The following SORCS2 variants were observed in gnomAD, a reference collection of about 807,000 sequenced individuals.
SORCS2 encodes the protein VPS10 domain-containing receptor SorCS2.
Under a neutral mutation model 141.6 loss-of-function variants are expected in SORCS2, and 100 were observed. The ratio of observed to expected loss-of-function variants is 0.71; its 90% CI spans 0.60 to 0.83. The LOEUF (loss-of-function observed/expected upper bound fraction) is 0.83, where lower values mean the gene tolerates loss of function less well. Ranked by LOEUF, SORCS2 falls within the 40% of genes least tolerant of loss-of-function variation. The pLI is 0.00. For synonymous variants in SORCS2, 789 were observed against 676.9 expected, an observed-to-expected ratio of 1.17 and a Z score of -2.57; for missense variants, 1,646 against 1,560.2, an observed-to-expected ratio of 1.05 and a Z score of -0.93.
In SORCS2 at chr4:7,305,233, G is replaced by A. The variant is rs557536737; in HGVS notation, c.481-91055G>A. Among the ~76,000 whole-genome samples, 15 of 152,194 alleles carry A rather than the reference G, an allele frequency of 9.9e-5. No homozygotes were observed. In the South Asian group the frequency reaches 1.5e-3, roughly 15 times the overall value. On this transcript the variant is annotated intron_variant, in intron 1 of 26. Coordinates refer to ENST00000507866, the MANE Select transcript of SORCS2 (RefSeq NM_020777.3). ...TTTTTAGTAGAGATGGGGTTTCACC[G>A]TGTTAGCCAGGATGGTCTCGATCTG...
chr4:7,514,143 G>A (rs904425982), intron 2 of SORCS2, among the ~76,000 whole-genome samples: 4 of 152,152 alleles, frequency 2.6e-5, no homozygotes, highest in African/African-American at 4.8e-5. Flanking sequence ...AGCTGGAGCC[G>A]ACAGCTCCAT....
chr4:7,259,160 G>T (rs749011391), intron 1 of SORCS2, among the ~76,000 whole-genome samples: 1 of 152,138 alleles, frequency 6.6e-6, no homozygotes, highest in Non-Finnish European at 1.5e-5. Context: ...TTTGGCTTTT[G>T]TTGCCACCGT....
chr4:7,543,939 CCCATCCAT>C (rs1266557291), intron 3 of SORCS2, among the ~76,000 whole-genome samples: 2 of 16,884 alleles, frequency 1.2e-4, no homozygotes, highest in African/African-American at 3.7e-4. Context: ...CACCCATCCA[CCCATCCAT>C]CCATCCATCC....
intron 23 of SORCS2, among the ~76,000 whole-genome samples, chr4:7,732,102 A>G (rs992776935): frequency 6.6e-6 from 1 of 152,210 alleles, no homozygotes; most frequent in African/African-American, 2.4e-5. Context: ...CATAGCCAGA[A>G]AACAGGTGAC....
intron 9 of SORCS2, among the ~76,000 whole-genome samples, chr4:7,680,170 G>A (rs931874359): frequency 6.6e-6 from 1 of 152,214 alleles, no homozygotes; most frequent in South Asian, 2.1e-4. Context: ...CACAGCAAAC[G>A]ATGTGCAGCC....
chr4:7,197,664 G>A (rs1166667082), intron 1 of SORCS2, among the ~76,000 whole-genome samples: 2 of 152,200 alleles, frequency 1.3e-5, no homozygotes, highest in East Asian at 3.8e-4. Flanking sequence ...TATATAAAGT[G>A]AGAGTGAATG....
At chr4:7,217,203 C>T (rs1236248663) in intron 1 of SORCS2, among the ~76,000 whole-genome samples, 1 of 152,198 alleles carries the variant, frequency 6.6e-6, no homozygotes, top group Non-Finnish European at 1.5e-5. Flanking sequence ...GTTCCTCCGC[C>T]CGGCCTGGAA....
intron 2 of SORCS2, among the ~76,000 whole-genome samples, chr4:7,457,795 T>C (rs1729014854): frequency 6.6e-6 from 1 of 152,240 alleles, no homozygotes; most frequent in Admixed American, 6.5e-5. Flanking sequence ...CTCTGCTTCA[T>C]GGCCTCTGGG....
intron 3 of SORCS2, among the ~76,000 whole-genome samples, chr4:7,547,554 A>G (rs10937836): frequency 0.84 from 127,722 of 152,268 alleles, 53,681 homozygotes; most frequent in South Asian, 0.9. Context: ...GCCTTGGCCC[A>G]TGCTCCGACA....
chr4:7,205,918 C>A (rs1258283408), intron 1 of SORCS2, among the ~76,000 whole-genome samples: 1 of 152,102 alleles, frequency 6.6e-6, no homozygotes, highest in Non-Finnish European at 1.5e-5. Flanking sequence ...TGGTGGCAGA[C>A]GCCTATAATC....
chr4:7,693,558 G>T (rs1169377950), intron 11 of SORCS2, among the ~76,000 whole-genome samples: 4 of 152,224 alleles, frequency 2.6e-5, no homozygotes, highest in African/African-American at 9.6e-5. Context: ...CCTGGTCACT[G>T]GTCTGTGTCC....
At chr4:7,649,174 G>A (rs897726007) in intron 4 of SORCS2, among the ~76,000 whole-genome samples, 2 of 152,156 alleles carry the variant, frequency 1.3e-5, no homozygotes, top group Non-Finnish European at 2.9e-5. Flanking sequence ...AGTGAGTCTT[G>A]AACACCGGCT....
In SORCS2 at chr4:7,646,644, C is replaced by CA. The variant is rs1195458461; in HGVS notation, c.814-7482dup. Among the ~76,000 whole-genome samples the CA allele has an allele frequency of 6.8e-4, 103 of 151,804 alleles. No homozygotes were observed. In the Middle Eastern group the frequency reaches 0.014, roughly 20 times the overall value. On this transcript the variant is annotated intron_variant, in intron 4 of 26. Coordinates refer to ENST00000507866, the MANE Select transcript of SORCS2 (RefSeq NM_020777.3). ...GACTCTGTTTCAAAAAATCAAACTA[C>CA]AAAAAAAAGACAGGCACAGAGGGAA...
chr4:7,243,615 G>C (rs192689439), intron 1 of SORCS2, among the ~76,000 whole-genome samples: 8 of 152,354 alleles, frequency 5.3e-5, no homozygotes, highest in Non-Finnish European at 7.3e-5. Context: ...GGAACTGGCT[G>C]CACAGGCTCC....
At chr4:7,377,026 T>C (rs866168229) in intron 1 of SORCS2, among the ~76,000 whole-genome samples, 1 of 152,302 alleles carries the variant, frequency 6.6e-6, no homozygotes, top group African/African-American at 2.4e-5. Flanking sequence ...GCAAAGAGTT[T>C]ATAGTCTCAT....
intron 1 of SORCS2, among the ~76,000 whole-genome samples, chr4:7,301,130 T>G (rs1005707882): frequency 6.6e-6 from 1 of 152,180 alleles, no homozygotes; most frequent in African/African-American, 2.4e-5. Flanking sequence ...CTGTCCCTGC[T>G]TAGGCCTTTC....
At chr4:7,639,434 T>A (rs2108865965) in intron 4 of SORCS2, among the ~76,000 whole-genome samples, 1 of 151,670 alleles carries the variant, frequency 6.6e-6, no homozygotes, top group Non-Finnish European at 1.5e-5. Flanking sequence ...GTATGCACAC[T>A]TGTAAGTGTG....
rs867825955 is a variant in SORCS2 at position 7,665,362 on chromosome 4, T to G, written c.1071+891T>G. ...CCAGACAGGAGGCTGCTGCTGCCAC[T>G]GATCCTAACCTCCAGCCCTGCCCAG... On this transcript the variant is annotated intron_variant, in intron 7 of 26. Transcript: ENST00000507866. 4.6e-5 allele frequency among the ~76,000 whole-genome samples: 7 copies of G among 152,206 alleles called. No individual in the cohort carries two copies. The South Asian group carries it at 1.2e-3, about 27-fold the overall frequency.
chr4:7,558,068 G>T (rs1407105523), intron 3 of SORCS2, among the ~76,000 whole-genome samples: 1 of 152,206 alleles, frequency 6.6e-6, no homozygotes, highest in Admixed American at 6.5e-5. Context: ...GTTGAGTGAG[G>T]AGGGGTCCTG....
Sources: gnomAD v4.1 joint callset for allele counts (sites outside exome capture counted in the v4.1 genomes callset) on GRCh38, gnomAD v4.1.1 for gene constraint, MANE v1.5 for transcripts, NCBI Gene and HGNC (gene_info 2026-07-23, HGNC 2026-07-21) for gene names.